The following ENAH variants were observed in gnomAD, a reference collection of about 807,000 sequenced individuals.
The protein encoded by ENAH is ENAH actin regulator, also known as protein enabled homolog.
A neutral mutation model predicts 78.7 loss-of-function variants in ENAH; 23 were observed. That is an observed-to-expected ratio of 0.29 (90% confidence interval 0.21 to 0.41). ENAH has a LOEUF of 0.41. Ranked by LOEUF, ENAH falls within the 10% of genes least tolerant of loss-of-function variation. ENAH has a pLI of 1.00. For missense variants in ENAH, 544 were observed against 691.0 expected (o/e 0.79, Z 2.39); for synonymous variants, 226 against 241.0 (o/e 0.94, Z 0.58).
chr1:225,589,187 G>A (rs1318526503), intron 1 of ENAH, among the ~76,000 whole-genome samples: 1 of 152,104 alleles, frequency 6.6e-6, no homozygotes, highest in East Asian at 1.9e-4. Context: ...AGGAGCTTCA[G>A]GGAATTTTGC....
intron 3 of ENAH, among the ~76,000 whole-genome samples, chr1:225,546,835 CA>C (rs1398203992): frequency 2.0e-5 from 3 of 152,172 alleles, no homozygotes; most frequent in African/African-American, 7.2e-5. Flanking sequence ...TCTTTTGCCA[CA>C]TTGTGAACTA....
At chr1:225,545,913 T>A (rs1339254399) in intron 3 of ENAH, among the ~76,000 whole-genome samples, 2 of 3,242 alleles carry the variant, frequency 6.2e-4, no homozygotes, top group Non-Finnish European at 1.9e-3. Context: ...CTGTAAACTT[T>A]TTTTTTTTTT....
At chr1:225,651,465 C>T (rs138699852) in intron 1 of ENAH, among the ~76,000 whole-genome samples, 306 of 152,204 alleles carry the variant, frequency 2.0e-3, no homozygotes, top group African/African-American at 7.0e-3. Flanking sequence ...AATGACATGA[C>T]ATTTTCTTGC....
At chr1:225,525,609 G>A (rs935512390) in intron 4 of ENAH, among the ~76,000 whole-genome samples, 2 of 152,158 alleles carry the variant, frequency 1.3e-5, no homozygotes, top group Non-Finnish European at 2.9e-5. Context: ...CCTTAGTCGT[G>A]CGGGAATTAC....
intron 9 of ENAH, among the ~76,000 whole-genome samples, chr1:225,512,303 T>A (rs1456491148): frequency 2.0e-5 from 3 of 152,228 alleles, no homozygotes; most frequent in Non-Finnish European, 4.4e-5. Context: ...GGGAAACATA[T>A]GAATTTAGGC....
At chr1:225,644,621 A>C (rs1661627806) in intron 1 of ENAH, among the ~76,000 whole-genome samples, 1 of 152,176 alleles carries the variant, frequency 6.6e-6, no homozygotes, top group Non-Finnish European at 1.5e-5. Flanking sequence ...TATTTTACTT[A>C]AGTTCTTGGT....
At chr1:225,544,586 C>G (rs1175986842) in intron 3 of ENAH, among the ~76,000 whole-genome samples, 5 of 152,184 alleles carry the variant, frequency 3.3e-5, no homozygotes, top group Admixed American at 6.5e-5. Flanking sequence ...ATAGTATCTG[C>G]CTCTTTTTAG....
intron 2 of ENAH, among the ~76,000 whole-genome samples, chr1:225,565,322 C>A (rs2096729105): frequency 6.6e-6 from 1 of 152,064 alleles, no homozygotes; most frequent in South Asian, 2.1e-4. Context: ...GTAATCCCAG[C>A]TACTCTGGAG....
At chr1:225,518,935 C>A in intron 5 of ENAH, 1 of 481,852 alleles carries the variant, frequency 2.1e-6, no homozygotes, top group Non-Finnish European at 3.5e-6. Flanking sequence ...ACTTTATAGC[C>A]ATTTTATAGG....
At chr1:225,546,705 A>T (rs1170689413) in intron 3 of ENAH, among the ~76,000 whole-genome samples, 5 of 152,206 alleles carry the variant, frequency 3.3e-5, no homozygotes, top group Admixed American at 2.0e-4. Flanking sequence ...AGTAGCTCCC[A>T]ACCTTTTCAA....
chr1:225,598,238 G>A (rs1385540760), intron 1 of ENAH, among the ~76,000 whole-genome samples: 1 of 151,804 alleles, frequency 6.6e-6, no homozygotes, highest in Non-Finnish European at 1.5e-5. Flanking sequence ...TAATCATTTG[G>A]AAAGAGAATA....
chr1:225,551,109 TC>T (rs1402266142), intron 3 of ENAH, among the ~76,000 whole-genome samples: 1 of 152,176 alleles, frequency 6.6e-6, no homozygotes, highest in African/African-American at 2.4e-5. Flanking sequence ...TGAATCCATT[TC>T]CATGGAGAAA....
At chr1:225,541,231 A>G (rs1003287887) in intron 3 of ENAH, among the ~76,000 whole-genome samples, 12 of 152,278 alleles carry the variant, frequency 7.9e-5, no homozygotes, top group Non-Finnish European at 1.6e-4. Context: ...TCAGGAGATC[A>G]AGACCATCCT....
At chr1:225,597,936 CTTTT>C (rs77379508) in intron 1 of ENAH, among the ~76,000 whole-genome samples, 1 of 145,016 alleles carries the variant, frequency 6.9e-6, no homozygotes, top group African/African-American at 2.5e-5. Context: ...CTCCACTTAA[CTTTT>C]TTTTTTTTTG....
At chr1:225,630,804 A>G (rs961235677) in intron 1 of ENAH, among the ~76,000 whole-genome samples, 4 of 152,184 alleles carry the variant, frequency 2.6e-5, no homozygotes, top group African/African-American at 9.7e-5. Context: ...ATGTGCTTAC[A>G]ATAAACTTCT....
rs2096466725 is a variant in ENAH at position 225,521,373 on chromosome 1, T to A, written c.435-1808A>T. Among the ~76,000 whole-genome samples the A allele has an allele frequency of 3.3e-5, 5 of 152,162 alleles. No homozygotes were observed. The South Asian group carries it at 1.0e-3, about 32-fold the overall frequency. On this transcript the variant is annotated intron_variant, in intron 4 of 13. Transcript: ENST00000366843. ...TTAACCTTCCCTAAAAAAAAAGTTA[T>A]CTTTGCCAGGCACGGTGGCTCATGC...
intron 3 of ENAH, among the ~76,000 whole-genome samples, chr1:225,531,754 G>C (rs2151267596): frequency 6.6e-6 from 1 of 152,190 alleles, no homozygotes. Flanking sequence ...TTTTATACTA[G>C]TGGAGTAGAT....
chr1:225,487,918 T>C lies in ENAH; in HGVS notation c.*9857A>G, dbSNP rs1005800621. On this transcript the variant is annotated 3_prime_UTR_variant, in exon 14 of 14. Coordinates refer to ENST00000366843, the MANE Select transcript of ENAH (RefSeq NM_018212.6). ...TACTGTGCTGTTCTACTATATACTT[T>C]TGGTCTATCAACTTGGTAGGCCTGA... 11 of 152,222 alleles carry C rather than the reference T, an allele frequency of 7.2e-5. No individual in the cohort carries two copies. In the South Asian group the frequency reaches 8.3e-4, roughly 11 times the overall value. 9.4% of individuals were successfully genotyped at this position (152,222 alleles called of 1,614,324 possible). A position where few individuals can be genotyped will look rare whatever the true frequency, so the allele number is the denominator to read the frequency against.
rs1307406437 is a variant in ENAH at position 225,495,461 on chromosome 1, T to TTG, written c.*2313_*2314insCA. The TTG allele has an allele frequency of 1.3e-5, 2 of 149,500 alleles. No homozygotes were observed. The highest frequency in any genetic ancestry group is 3.0e-5 in the Non-Finnish European group (2 of 67,124). 9.3% of individuals were successfully genotyped at this position (149,500 alleles called of 1,614,324 possible). A position where few individuals can be genotyped will look rare whatever the true frequency, so the allele number is the denominator to read the frequency against. On this transcript the variant is annotated 3_prime_UTR_variant, in exon 14 of 14. Transcript: ENST00000366843. ...TATAGCATGATTCAACACTGGTTTT[T>TTG]TTTTTTTTTTTTTTTTGTCAGTTTA...
Sources: allele counts gnomAD v4.1 joint callset (sites outside exome capture counted in the v4.1 genomes callset), GRCh38; gene constraint gnomAD v4.1.1; transcripts MANE v1.5; gene names NCBI Gene and HGNC (gene_info 2026-07-23, HGNC 2026-07-21).